The following MAP4K4 variants were observed in gnomAD, a reference collection of about 807,000 sequenced individuals.
The protein encoded by MAP4K4 is HPK/GCK-like kinase HGK.
MAP4K4 carries 38 observed loss-of-function variants against 189.6 expected under a neutral mutation model. The ratio of observed to expected loss-of-function variants is 0.20; its 90% CI spans 0.15 to 0.26. The LOEUF (loss-of-function observed/expected upper bound fraction) is 0.26, where lower values mean the gene tolerates loss of function less well. Ranked by LOEUF, MAP4K4 falls within the 10% of genes least tolerant of loss-of-function variation. MAP4K4 has a pLI of 1.00. For synonymous variants in MAP4K4, 610 were observed against 624.3 expected (o/e 0.98, Z 0.34); for missense variants, 1,054 against 1,726.9 (o/e 0.61, Z 6.91).
At chr2:101,804,411 C>T (rs1575838883) in intron 3 of MAP4K4, among the ~76,000 whole-genome samples, 1 of 152,118 alleles carries the variant, frequency 6.6e-6, no homozygotes, top group Non-Finnish European at 1.5e-5. Context: ...TTCTAAGGTG[C>T]TGATTGGTCT....
At chr2:101,726,874 G>C (rs1559112497) in intron 2 of MAP4K4, among the ~76,000 whole-genome samples, 1 of 152,156 alleles carries the variant, frequency 6.6e-6, no homozygotes, top group Non-Finnish European at 1.5e-5. Flanking sequence ...TACACTTGTG[G>C]AAACTGAGAA....
chr2:101,830,708 G>T (rs1298075972), intron 6 of MAP4K4, among the ~76,000 whole-genome samples: 1 of 152,168 alleles, frequency 6.6e-6, no homozygotes, highest in African/African-American at 2.4e-5. Flanking sequence ...TCAGTGAGTT[G>T]TGTGTTCCCT....
At chr2:101,841,899 A>G (rs2096931242) in intron 10 of MAP4K4, among the ~76,000 whole-genome samples, 1 of 152,238 alleles carries the variant, frequency 6.6e-6, no homozygotes, top group African/African-American at 2.4e-5. Flanking sequence ...GGATATTGAC[A>G]TTAAGTGAAG....
intron 2 of MAP4K4, among the ~76,000 whole-genome samples, chr2:101,727,250 GCAAA>G (rs748500092): frequency 3.3e-5 from 5 of 152,082 alleles, no homozygotes; most frequent in Admixed American, 1.3e-4. Flanking sequence ...CTGTAGAAAT[GCAAA>G]CAGTGAAAAC....
intron 10 of MAP4K4, among the ~76,000 whole-genome samples, chr2:101,841,891 A>G (rs558560878): frequency 2.0e-5 from 3 of 152,326 alleles, no homozygotes; most frequent in East Asian, 3.9e-4. Context: ...TGAAAGTTGG[A>G]TATTGACATT....
At chr2:101,757,462 A>G (rs1280358533) in intron 2 of MAP4K4, among the ~76,000 whole-genome samples, 2 of 152,214 alleles carry the variant, frequency 1.3e-5, no homozygotes, top group East Asian at 3.8e-4. Flanking sequence ...GTAGAAGTCA[A>G]GACCTGAACC....
intron 32 of MAP4K4, among the ~76,000 whole-genome samples, chr2:101,890,482 A>G (rs2098550179): frequency 6.6e-6 from 1 of 152,148 alleles, no homozygotes. Context: ...TTGGTGACGG[A>G]GTCTTGCTCT....
intron 2 of MAP4K4, among the ~76,000 whole-genome samples, chr2:101,756,701 C>T (rs566844926): frequency 7.2e-4 from 109 of 151,164 alleles, no homozygotes; most frequent in African/African-American, 1.5e-3. Flanking sequence ...ACTGCAGGCG[C>T]GCATCACCAT....
chr2:101,726,166 C>G (rs2055277250), intron 2 of MAP4K4, among the ~76,000 whole-genome samples: 1 of 152,188 alleles, frequency 6.6e-6, no homozygotes, highest in Non-Finnish European at 1.5e-5. Flanking sequence ...AAATTGATGT[C>G]TGTGTTAGTT....
At chr2:101,887,171 C>T in exon 30 of MAP4K4, 1 of 1,612,084 alleles carries the variant, frequency 6.2e-7, no homozygotes, top group South Asian at 1.1e-5. Flanking sequence ...TCTATGGATC[C>T]TGTGCTGGAT....
chr2:101,850,036 C>A (rs1458375151), intron 12 of MAP4K4, among the ~76,000 whole-genome samples: 1 of 152,120 alleles, frequency 6.6e-6, no homozygotes, highest in Non-Finnish European at 1.5e-5. Flanking sequence ...TTTCTTACAT[C>A]TTTCCTTTCA....
intron 2 of MAP4K4, among the ~76,000 whole-genome samples, chr2:101,742,906 C>A (rs2063494056): frequency 6.6e-6 from 1 of 152,136 alleles, no homozygotes; most frequent in Non-Finnish European, 1.5e-5. Context: ...AAGAGCAAAC[C>A]CATGGCTTTT....
intron 18 of MAP4K4, among the ~76,000 whole-genome samples, chr2:101,865,757 T>C (rs536967216): frequency 1.3e-5 from 2 of 152,338 alleles, no homozygotes; most frequent in African/African-American, 4.8e-5. Context: ...TCACTGAACC[T>C]CTAAAGTTAG....
intron 12 of MAP4K4, among the ~76,000 whole-genome samples, chr2:101,847,692 G>T (rs376536825): frequency 1.6e-4 from 24 of 152,086 alleles, no homozygotes; most frequent in Non-Finnish European, 2.4e-4. Flanking sequence ...AAATTTAAAA[G>T]TTAAAGTAAG....
chr2:101,740,535 A>G (rs62155727), intron 2 of MAP4K4, among the ~76,000 whole-genome samples: 17,033 of 152,208 alleles, frequency 0.11, 1,236 homozygotes, highest in South Asian at 0.18. Context: ...AATTTATTAT[A>G]TAAATCTGGA....
intron 2 of MAP4K4, among the ~76,000 whole-genome samples, chr2:101,783,629 A>T (rs557232404): frequency 6.6e-6 from 1 of 152,330 alleles, no homozygotes; most frequent in South Asian, 2.1e-4. Flanking sequence ...CCTAATAGAA[A>T]AACGCAACAT....
chr2:101,808,926 C>T (rs894220117), intron 3 of MAP4K4, among the ~76,000 whole-genome samples: 3 of 152,128 alleles, frequency 2.0e-5, no homozygotes, highest in East Asian at 1.9e-4. Flanking sequence ...CTCACCCCCC[C>T]GACGTTCTGG....
intron 2 of MAP4K4, among the ~76,000 whole-genome samples, chr2:101,782,270 C>G (rs1019699486): frequency 5.3e-5 from 8 of 152,156 alleles, no homozygotes; most frequent in African/African-American, 1.9e-4. Context: ...TAAAGTCTTA[C>G]CATATTGTCT....
At chr2:101,804,993 G>A (rs2094776205) in intron 3 of MAP4K4, among the ~76,000 whole-genome samples, 2 of 145,884 alleles carry the variant, frequency 1.4e-5, no homozygotes, top group South Asian at 4.3e-4. Context: ...AGAATCGCTC[G>A]AACCCAGGAG....
Sources: gnomAD v4.1 joint callset for allele counts (sites outside exome capture counted in the v4.1 genomes callset) on GRCh38, gnomAD v4.1.1 for gene constraint, MANE v1.5 for transcripts, NCBI Gene and HGNC (gene_info 2026-07-23, HGNC 2026-07-21) for gene names.